ATP8A2: variants seen among roughly 807,000 people sequenced by gnomAD.
The protein encoded by ATP8A2 is ATPase phospholipid transporting 8A2, also known as phospholipid-transporting ATPase IB.
ATP8A2 carries 100 observed loss-of-function variants against 165.6 expected under a neutral mutation model. That is an observed-to-expected ratio of 0.60 (90% CI 0.51 to 0.71). ATP8A2 has a LOEUF of 0.71. ATP8A2 is among the 30% of genes least tolerant of loss of function. The pLI is 0.00. For synonymous variants in ATP8A2, 543 were observed against 548.8 expected (o/e 0.99, Z 0.15); for missense variants, 1,227 against 1,479.5 (o/e 0.83, Z 2.80).
chr13:25,373,135 A>G (rs931648581), intron 1 of ATP8A2, among the ~76,000 whole-genome samples: 2 of 152,202 alleles, frequency 1.3e-5, no homozygotes, highest in Admixed American at 1.3e-4. Context: ...AGACGTAAAG[A>G]GGAGCCCCAA....
chr13:25,768,076 T>TGGGGGGGGGGGGGGGGGGG (rs397942177), intron 25 of ATP8A2, among the ~76,000 whole-genome samples: 2 of 49,282 alleles, frequency 4.1e-5, no homozygotes, highest in Non-Finnish European at 9.5e-5. Flanking sequence ...TGTGGTGGCG[T>TGGGGGGGGGGGGGGGGGGG]GGGGGGGGGG....
chr13:25,655,640 C>T (rs1353028668), intron 24 of ATP8A2, among the ~76,000 whole-genome samples: 1 of 151,804 alleles, frequency 6.6e-6, no homozygotes, highest in Non-Finnish European at 1.5e-5. Flanking sequence ...TCTGATGCCT[C>T]TAACTGGGAA....
intron 33 of ATP8A2, among the ~76,000 whole-genome samples, chr13:25,897,289 C>T (rs1299066873): frequency 7.2e-5 from 11 of 152,040 alleles, no homozygotes; most frequent in South Asian, 4.1e-4. Flanking sequence ...CCTTCACTTA[C>T]GAAGCTTAGT....
intron 32 of ATP8A2, among the ~76,000 whole-genome samples, chr13:25,861,780 G>A (rs1464172233): frequency 3.3e-5 from 5 of 152,088 alleles, no homozygotes; most frequent in Admixed American, 3.3e-4. Flanking sequence ...ACATTAAGAG[G>A]ACAAAGAAGA....
intron 24 of ATP8A2, among the ~76,000 whole-genome samples, chr13:25,599,765 G>T (rs1426997417): frequency 6.6e-6 from 1 of 152,150 alleles, no homozygotes; most frequent in African/African-American, 2.4e-5. Context: ...GACTGCAATG[G>T]CAAGGAAAGC....
intron 25 of ATP8A2, among the ~76,000 whole-genome samples, chr13:25,704,746 T>C (rs927708553): frequency 1.3e-5 from 2 of 152,186 alleles, no homozygotes; most frequent in African/African-American, 4.8e-5. Flanking sequence ...TCTTAATTTG[T>C]TTATCCTTTT....
intron 2 of ATP8A2, among the ~76,000 whole-genome samples, chr13:25,495,399 G>A (rs1032580767): frequency 6.6e-6 from 1 of 152,094 alleles, no homozygotes; most frequent in African/African-American, 2.4e-5. Flanking sequence ...ACAGATGGAG[G>A]TGGAAGGACC....
At chr13:25,609,534 G>GGGATTCAAATATATATATATATCTTT (rs2040605192) in intron 24 of ATP8A2, among the ~76,000 whole-genome samples, 1 of 42,212 alleles carries the variant, frequency 2.4e-5, no homozygotes, top group Non-Finnish European at 7.2e-5. Flanking sequence ...ATATATATTT[G>GGGATTCAAATATATATATATATCTTT]GGATTCAAAT....
At chr13:25,660,916 T>C (rs1159713873) in intron 24 of ATP8A2, among the ~76,000 whole-genome samples, 1 of 152,134 alleles carries the variant, frequency 6.6e-6, no homozygotes, top group Non-Finnish European at 1.5e-5. Flanking sequence ...TGCCAAGCAG[T>C]GCAGACTTTA....
intron 33 of ATP8A2, among the ~76,000 whole-genome samples, chr13:25,875,666 A>AGAAT (rs1952803028): frequency 6.7e-6 from 1 of 149,742 alleles, no homozygotes; most frequent in East Asian, 1.9e-4. Context: ...TTTCACCCAA[A>AGAAT]GAATGATAGA....
chr13:25,659,254 C>T (rs941533933), intron 24 of ATP8A2, among the ~76,000 whole-genome samples: 1 of 152,168 alleles, frequency 6.6e-6, no homozygotes, highest in Non-Finnish European at 1.5e-5. Context: ...TAAAAGCTAT[C>T]GATTGTGCTG....
chr13:25,403,186 G>T (rs1307517658), intron 1 of ATP8A2, among the ~76,000 whole-genome samples: 1 of 152,144 alleles, frequency 6.6e-6, no homozygotes, highest in Non-Finnish European at 1.5e-5. Flanking sequence ...CACCATGAGA[G>T]GACACGGCAA....
At chr13:25,738,569 GGAAGGGGC>G (rs1344755697) in intron 25 of ATP8A2, among the ~76,000 whole-genome samples, 1 of 152,212 alleles carries the variant, frequency 6.6e-6, no homozygotes, top group East Asian at 1.9e-4. Context: ...GTGAAGGGTG[GGAAGGGGC>G]CTGGGCCTGG....
chr13:25,807,241 T>C (rs2138491551), intron 27 of ATP8A2, among the ~76,000 whole-genome samples: 1 of 152,222 alleles, frequency 6.6e-6, no homozygotes, highest in African/African-American at 2.4e-5. Context: ...TTTTGGTGCC[T>C]TATCTAAAAA....
At chr13:25,952,104 A>G (rs1166342880) in intron 33 of ATP8A2, among the ~76,000 whole-genome samples, 2 of 152,178 alleles carry the variant, frequency 1.3e-5, no homozygotes, top group African/African-American at 2.4e-5. Flanking sequence ...TTGTTTAACA[A>G]TTCCTTTGCA....
intron 1 of ATP8A2, among the ~76,000 whole-genome samples, chr13:25,418,028 C>A (rs2138088388): frequency 6.6e-6 from 1 of 152,240 alleles, no homozygotes; most frequent in Non-Finnish European, 1.5e-5. Flanking sequence ...CTTCTCATAC[C>A]CATATGTCCA....
At chr13:25,454,163 G>A (rs978687373) in intron 1 of ATP8A2, among the ~76,000 whole-genome samples, 3 of 152,150 alleles carry the variant, frequency 2.0e-5, no homozygotes, top group Non-Finnish European at 2.9e-5. Context: ...TGGTCTCTTT[G>A]CGTTTGGCTC....
chr13:25,978,584 T>C (rs1179480328), intron 35 of ATP8A2, among the ~76,000 whole-genome samples: 1 of 151,650 alleles, frequency 6.6e-6, no homozygotes, highest in Admixed American at 6.6e-5. Flanking sequence ...TAAAGTGACT[T>C]TGTAGTGCAT....
chr13:25,608,501 G>A (rs372171834), intron 24 of ATP8A2, among the ~76,000 whole-genome samples: 1 of 150,952 alleles, frequency 6.6e-6, no homozygotes, highest in African/African-American at 2.4e-5. Context: ...AGTTCTGTTT[G>A]TGACAGTTGC....
Sources: allele counts gnomAD v4.1 joint callset (sites outside exome capture counted in the v4.1 genomes callset), GRCh38; gene constraint gnomAD v4.1.1; transcripts MANE v1.5; gene names NCBI Gene and HGNC (gene_info 2026-07-23, HGNC 2026-07-21).